Variants in AKAP7 observed in about 807,000 individuals in gnomAD.
AKAP7 encodes the protein A kinase (PRKA) anchor protein 7.
A neutral mutation model predicts 39.5 loss-of-function variants in AKAP7; 39 were observed. The observed-to-expected ratio is 0.99, with a 90% confidence interval of 0.76 to 1.29. The LOEUF (loss-of-function observed/expected upper bound fraction) is 1.29. AKAP7 is among the 50% of genes most tolerant of loss of function. The pLI is 0.00. For synonymous variants in AKAP7, 140 were observed against 139.1 expected (o/e 1.01, Z -0.05); for missense variants, 414 against 407.7 (o/e 1.02, Z -0.13).
intron 5 of AKAP7, among the ~76,000 whole-genome samples, chr6:131,187,159 T>C (rs1032528787): frequency 7.9e-5 from 12 of 152,256 alleles, no homozygotes; most frequent in African/African-American, 2.9e-4. Flanking sequence ...CTGCAGAAAA[T>C]ACCATTGGGA....
chr6:131,141,548 T>C (rs531396951), intron 1 of AKAP7, among the ~76,000 whole-genome samples: 6 of 152,264 alleles, frequency 3.9e-5, no homozygotes, highest in African/African-American at 1.4e-4. Context: ...GGTGTTGCTG[T>C]AAAGATACCT....
At chr6:131,168,548 T>G in intron 4 of AKAP7, among the ~76,000 whole-genome samples, 1 of 152,152 alleles carries the variant, frequency 6.6e-6, no homozygotes, top group South Asian at 2.1e-4. Context: ...ATAGCTAAAG[T>G]ATATATGGCA....
chr6:131,183,194 G>A (rs1353837808), intron 5 of AKAP7, among the ~76,000 whole-genome samples: 1 of 152,200 alleles, frequency 6.6e-6, no homozygotes, highest in East Asian at 1.9e-4. Context: ...GGGCCTGCCT[G>A]CGGCCAAGGG....
At chr6:131,145,894 T>C (rs1801445445) in intron 2 of AKAP7, among the ~76,000 whole-genome samples, 1 of 152,012 alleles carries the variant, frequency 6.6e-6, no homozygotes, top group Non-Finnish European at 1.5e-5. Flanking sequence ...TATCTATTGG[T>C]ATAATAATAA....
rs1800451353 is a variant in AKAP7 at position 131,135,513 on chromosome 6, T to TGCGGCTGCCGCCGCCGCTGCTGCC, written c.-248_-225dup. On this transcript the variant is annotated 5_prime_UTR_variant, in exon 1 of 8. Transcript: ENST00000431975. ...CCTGGCATGCGGGTGCTGCGGCTGC[T>TGCGGCTGCCGCCGCCGCTGCTGCC]GCGGCTGCCGCCGCCGCTGCTGCCG... Among the ~76,000 whole-genome samples the TGCGGCTGCCGCCGCCGCTGCTGCC allele has an allele frequency of 6.7e-6, 1 of 148,596 alleles. No individual in the cohort carries two copies. The highest frequency in any genetic ancestry group is 2.5e-5 in the African/African-American group (1 of 39,864).
chr6:131,142,970 G>A (rs561844956), intron 1 of AKAP7, among the ~76,000 whole-genome samples: 4 of 152,344 alleles, frequency 2.6e-5, no homozygotes, highest in African/African-American at 9.6e-5. Flanking sequence ...CTTATGTGGA[G>A]CCTGTTGCCC....
intron 1 of AKAP7, among the ~76,000 whole-genome samples, chr6:131,136,637 G>A (rs1262487214): frequency 6.6e-6 from 1 of 152,164 alleles, no homozygotes; most frequent in African/African-American, 2.4e-5. Context: ...TAGCATATCT[G>A]TATATTTTCC....
At chr6:131,159,406 TA>T (rs1262834119) in intron 2 of AKAP7, among the ~76,000 whole-genome samples, 1 of 151,936 alleles carries the variant, frequency 6.6e-6, no homozygotes, top group African/African-American at 2.4e-5. Context: ...GATCAGTTTT[TA>T]AAAAAAAATT....
chr6:131,152,761 A>T (rs1367473527), intron 2 of AKAP7, among the ~76,000 whole-genome samples: 1 of 142,788 alleles, frequency 7.0e-6, no homozygotes, highest in Admixed American at 7.4e-5. Context: ...TGGGAGGTGG[A>T]GGTTGCAGTG....
intron 2 of AKAP7, among the ~76,000 whole-genome samples, chr6:131,149,748 T>C (rs1801772442): frequency 1.3e-5 from 2 of 152,220 alleles, no homozygotes; most frequent in African/African-American, 2.4e-5. Context: ...CTGGTTGACT[T>C]GGATGGGGTC....
chr6:131,146,986 C>T (rs1231944585), intron 2 of AKAP7, among the ~76,000 whole-genome samples: 1 of 152,180 alleles, frequency 6.6e-6, no homozygotes, highest in Non-Finnish European at 1.5e-5. Flanking sequence ...GCCATACAGG[C>T]TGCTCTGGAA....
At chr6:131,246,250 C>CCA (rs1811995466) in intron 7 of AKAP7, among the ~76,000 whole-genome samples, 1 of 152,092 alleles carries the variant, frequency 6.6e-6, no homozygotes, top group Non-Finnish European at 1.5e-5. Flanking sequence ...GAGGCAGCTG[C>CCA]CACCCACCTC....
At chr6:131,258,010 C>G (rs1324894434) in intron 7 of AKAP7, among the ~76,000 whole-genome samples, 5 of 152,078 alleles carry the variant, frequency 3.3e-5, no homozygotes, top group African/African-American at 1.2e-4. Flanking sequence ...ATTATATTTT[C>G]TGAGTTTATT....
At chr6:131,209,358 C>T (rs897777883) in intron 6 of AKAP7, among the ~76,000 whole-genome samples, 2 of 152,076 alleles carry the variant, frequency 1.3e-5, no homozygotes, top group Non-Finnish European at 2.9e-5. Context: ...TCACGCCATT[C>T]TCCTGCCTCA....
At chr6:131,239,407 G>A (rs577450187) in intron 7 of AKAP7, among the ~76,000 whole-genome samples, 46 of 152,276 alleles carry the variant, frequency 3.0e-4, no homozygotes, top group African/African-American at 1.1e-3. Context: ...TTCTCGAGGA[G>A]TATCTTTTTG....
chr6:131,199,669 C>T (rs1464331035), intron 6 of AKAP7, 96 bp downstream of exon 6: 3 of 997,648 alleles, frequency 3.0e-6, no homozygotes, highest in Non-Finnish European at 4.6e-6. Flanking sequence ...GTCTCTGACA[C>T]TACTCTTGCT....
intron 5 of AKAP7, among the ~76,000 whole-genome samples, chr6:131,171,743 A>C (rs1018689806): frequency 6.6e-6 from 1 of 152,162 alleles, no homozygotes; most frequent in African/African-American, 2.4e-5. Flanking sequence ...TTTAGCTGTG[A>C]GAATGGAGAG....
intron 5 of AKAP7, among the ~76,000 whole-genome samples, chr6:131,191,306 C>T (rs375813479): frequency 2.6e-5 from 4 of 152,006 alleles, no homozygotes; most frequent in Non-Finnish European, 5.9e-5. Flanking sequence ...TGTGAATATG[C>T]CAAAATAGAG....
intron 7 of AKAP7, among the ~76,000 whole-genome samples, chr6:131,234,604 C>CT (rs1278420358): frequency 2.8e-3 from 396 of 142,084 alleles, no homozygotes; most frequent in African/African-American, 5.7e-3. Flanking sequence ...TAGTTCAGAT[C>CT]TTTTTTTTTT....
Sources: gnomAD v4.1 joint callset for allele counts (sites outside exome capture counted in the v4.1 genomes callset) on GRCh38, gnomAD v4.1.1 for gene constraint, MANE v1.5 for transcripts, NCBI Gene and HGNC (gene_info 2026-07-23, HGNC 2026-07-21) for gene names.